The following HAPLN2 variants were observed in gnomAD, a reference collection of about 807,000 sequenced individuals.
HAPLN2 encodes the protein brain link protein-1.
HAPLN2 carries 27 observed loss-of-function variants against 29.3 expected under a neutral mutation model. The ratio of observed to expected loss-of-function variants is 0.92; its 90% CI spans 0.68 to 1.27. The LOEUF is 1.27. HAPLN2 is among the 50% of genes most tolerant of loss of function. HAPLN2 has a pLI of 0.00. For synonymous variants in HAPLN2, 208 were observed against 211.7 expected (o/e 0.98, Z 0.15); for missense variants, 454 against 484.3 (o/e 0.94, Z 0.59).
chr1:156,623,464 C>A lies in HAPLN2; in HGVS notation c.-24-3C>A, dbSNP rs1157983912. On this transcript the variant is annotated splice_polypyrimidine_tract_variant and splice_region_variant and intron_variant, in intron 2 of 6. Coordinates refer to ENST00000255039, the MANE Select transcript of HAPLN2 (RefSeq NM_021817.3). ...AGAACTGCCCACTCTTTGTGCCCTG[C>A]AGACGGTGCCGGGCTGACCCCCCAT... The A allele has an allele frequency of 1.9e-6, 3 of 1,612,632 alleles. No individual in the cohort carries two copies. Among genetic ancestry groups the A allele is most frequent in the Admixed American group, 3.3e-5 (2 of 59,938 alleles).
chr1:156,622,627 C>G (rs1678272221), intron 2 of HAPLN2, among the ~76,000 whole-genome samples: 1 of 152,004 alleles, frequency 6.6e-6, no homozygotes, highest in Non-Finnish European at 1.5e-5. Flanking sequence ...TCCAGCATGT[C>G]AGGGGAACAG....
In HAPLN2 at chr1:156,625,389, C is replaced by T; in HGVS notation, c.*5C>T. ...TACTGCTACGCCGAGAATTAGGCGC[C>T]CACCGTGTCCCCTCCAGCGCGCGCG... On this transcript the variant is annotated 3_prime_UTR_variant, in exon 7 of 7. Coordinates refer to ENST00000255039, the MANE Select transcript of HAPLN2 (RefSeq NM_021817.3). This position sits in a 1 kb window ranked among gnomAD's most constrained non-coding sequence, Gnocchi z 5.7. 1 of 1,578,468 alleles carries T rather than the reference C, an allele frequency of 6.3e-7. No homozygotes were observed. Among genetic ancestry groups the T allele is most frequent in the Non-Finnish European group, 8.6e-7 (1 of 1,161,240 alleles).
the HAPLN2 span, among the ~76,000 whole-genome samples, chr1:156,612,571 T>C: frequency 7.2e-5 from 11 of 152,142 alleles, no homozygotes; most frequent in African/African-American, 2.7e-4. Flanking sequence ...CTTGCTTCTG[T>C]TAAGGAAAGC....
the HAPLN2 span, among the ~76,000 whole-genome samples, chr1:156,603,168 C>T: frequency 3.7e-3 from 566 of 151,884 alleles, 5 homozygotes; most frequent in African/African-American, 0.013. Context: ...TGTGGAGAGA[C>T]ATCTGACTCC....
At position 156,620,143 on chromosome 1, in the gene HAPLN2, G is replaced by GTAGAGGGAGCTTCT. The variant is rs1489572250; in HGVS notation, c.-40_-39insTAGAGGGAGCTTCT. The GTAGAGGGAGCTTCT allele has an allele frequency of 1.3e-5, 2 of 152,284 alleles. No homozygotes were observed. The highest frequency in any genetic ancestry group is 6.5e-5 in the Admixed American group (1 of 15,280). The allele number at this position is 152,284 out of a possible 1,614,324, so 9.4% of individuals were successfully genotyped here. A position where few individuals can be genotyped will look rare whatever the true frequency, so the allele number is the denominator to read the frequency against. On this transcript the variant is annotated 5_prime_UTR_variant, in exon 2 of 7. Coordinates refer to ENST00000255039, the MANE Select transcript of HAPLN2 (RefSeq NM_021817.3). ...ACTGCTCCCTCCGTCTCTGTGAAGA[G>GTAGAGGGAGCTTCT]ACCAGCTTCTAACAGGTAGGCAATG... is the stretch of plus-strand genomic sequence containing the variant.
chr1:156,601,751 C>T, the HAPLN2 span, among the ~76,000 whole-genome samples: 4 of 152,002 alleles, frequency 2.6e-5, no homozygotes, highest in African/African-American at 9.7e-5. Context: ...TAGTCCCGGG[C>T]GCAAATACGA....
chr1:156,615,570 C>T (rs201837636), upstream of HAPLN2, among the ~76,000 whole-genome samples: 11 of 86,360 alleles, frequency 1.3e-4, 1 homozygote, highest in East Asian at 9.3e-4. Context: ...CTCTCTCTCT[C>T]TCTTTTTTTT....
chr1:156,623,709 TGG>T, intron 3 of HAPLN2, 96 bp from the exon 4 acceptor site: 3 of 1,499,596 alleles, frequency 2.0e-6, no homozygotes, highest in East Asian at 4.9e-5. Context: ...AGGAGAGGGT[TGG>T]GGGGCTCTGG....
At chr1:156,616,565 T>C (rs4474241), upstream of HAPLN2, among the ~76,000 whole-genome samples, 144,106 of 152,224 alleles carry the variant, frequency 0.95, 68,729 homozygotes, top group East Asian at 1. Flanking sequence ...TGGGAATGGA[T>C]GCAGTGGCCA....
the HAPLN2 span, among the ~76,000 whole-genome samples, chr1:156,613,929 AAAAGAAG>A: frequency 6.6e-6 from 1 of 151,358 alleles, no homozygotes; most frequent in South Asian, 2.1e-4. Context: ...AAAAAAAAAA[AAAAGAAG>A]AAAAGAAAAA....
the HAPLN2 span, among the ~76,000 whole-genome samples, chr1:156,602,577 C>T: frequency 3.0e-5 from 3 of 99,822 alleles, no homozygotes; most frequent in Non-Finnish European, 6.9e-5. Context: ...AAAAAAAAAG[C>T]CGGGCATGGT....
upstream of HAPLN2, among the ~76,000 whole-genome samples, chr1:156,618,228 G>A (rs775406846): frequency 3.3e-5 from 5 of 150,052 alleles, no homozygotes; most frequent in Non-Finnish European, 7.4e-5. Context: ...TTGAACCCGG[G>A]AGGCAGAGCA....
upstream of HAPLN2, among the ~76,000 whole-genome samples, chr1:156,618,336 C>T (rs371713156): frequency 2.7e-4 from 39 of 144,148 alleles, no homozygotes; most frequent in South Asian, 8.0e-3. Flanking sequence ...GTTAATTAGA[C>T]GGGTGTGGTG....
the HAPLN2 span, chr1:156,601,535 A>C: frequency 7.0e-7 from 1 of 1,435,426 alleles, no homozygotes. Flanking sequence ...GGGAACCAAA[A>C]TCACGGTTTT....
At chr1:156,608,180 C>G in the HAPLN2 span, among the ~76,000 whole-genome samples, 92 of 152,342 alleles carry the variant, frequency 6.0e-4, no homozygotes, top group African/African-American at 2.1e-3. Flanking sequence ...TTGTGCTTAC[C>G]TACAAATAGG....
upstream of HAPLN2, chr1:156,614,953 A>C (rs142516013): frequency 1.3e-5 from 2 of 152,074 alleles, no homozygotes. Context: ...GCTTTCCATT[A>C]TTTCACTTTA....
intron 4 of HAPLN2, 93 bp from the exon 5 acceptor site, chr1:156,624,257 TG>T: frequency 6.6e-7 from 1 of 1,506,816 alleles, no homozygotes; most frequent in Admixed American, 2.0e-5. Flanking sequence ...TCCGCACCCC[TG>T]GGGACCCCAG....
At chr1:156,614,744 C>G (rs1024988464), upstream of HAPLN2, 1 of 152,098 alleles carries the variant, frequency 6.6e-6, no homozygotes, top group African/African-American at 2.4e-5. Flanking sequence ...AGAAAATAAA[C>G]AGTCAAGATT....
the HAPLN2 span, among the ~76,000 whole-genome samples, chr1:156,603,833 T>G: frequency 6.6e-6 from 1 of 152,182 alleles, no homozygotes; most frequent in Non-Finnish European, 1.5e-5. Flanking sequence ...CTTGTGGGGG[T>G]TTAAACTAGT....
Sources: gnomAD v4.1 joint callset for allele counts (sites outside exome capture counted in the v4.1 genomes callset) on GRCh38, gnomAD v4.1.1 for gene constraint, Gnocchi (gnomAD v3.1) non-coding constraint, MANE v1.5 for transcripts, NCBI Gene and HGNC (gene_info 2026-07-23, HGNC 2026-07-21) for gene names.